The following PDE7B variants were observed in gnomAD, a reference collection of about 807,000 sequenced individuals.
The protein encoded by PDE7B is 3',5'-cyclic-AMP phosphodiesterase 7B.
In PDE7B, 29 loss-of-function variants were observed where a neutral mutation model predicts 56.2. That is an observed-to-expected ratio of 0.52 (90% CI 0.38 to 0.70). The LOEUF is 0.70. Among genes scored for constraint, PDE7B ranks in the 30% least tolerant of loss-of-function variants. PDE7B has a pLI of 0.00. For missense variants in PDE7B, 490 were observed against 565.0 expected (o/e 0.87, Z 1.35); for synonymous variants, 197 against 196.9 (o/e 1.00, Z 0.00).
chr6:135,890,651 G>A (rs1393231901), intron 1 of PDE7B, among the ~76,000 whole-genome samples: 1 of 152,160 alleles, frequency 6.6e-6, no homozygotes, highest in Non-Finnish European at 1.5e-5. Flanking sequence ...AGAAGGAGAA[G>A]AATGTGGCAA....
intron 2 of PDE7B, among the ~76,000 whole-genome samples, chr6:136,071,006 T>C (rs750347392): frequency 2.6e-5 from 4 of 152,146 alleles, no homozygotes; most frequent in African/African-American, 9.7e-5. Flanking sequence ...CTGAGATCCC[T>C]GTGGTCGGCC....
intron 1 of PDE7B, among the ~76,000 whole-genome samples, chr6:135,923,448 T>C (rs1774128550): frequency 6.6e-6 from 1 of 152,234 alleles, no homozygotes; most frequent in African/African-American, 2.4e-5. Context: ...AAGTGATTTG[T>C]ATTATATATG....
chr6:135,858,181 C>T (rs1464869262), intron 1 of PDE7B, among the ~76,000 whole-genome samples: 1 of 151,856 alleles, frequency 6.6e-6, no homozygotes, highest in East Asian at 1.9e-4. Flanking sequence ...GAGACAGAGT[C>T]CTGCTCTGTT....
rs184672124 is a variant in PDE7B, at chr6:136,106,114, G to A, written c.83-2617G>A. Among the ~76,000 whole-genome samples, 19 of 151,964 alleles carry A rather than the reference G, an allele frequency of 1.3e-4. No individual in the cohort carries two copies. In the East Asian group the frequency reaches 3.7e-3, roughly 29 times the overall value. On this transcript the variant is annotated intron_variant, in intron 2 of 12. Transcript: ENST00000308191. ...CCAAAAGGTGAGCGTGAAAGTGCTG[G>A]AAGGAGCCCATGAGATTACAGCAAC...
At chr6:136,082,268 C>T (rs985993533) in intron 2 of PDE7B, among the ~76,000 whole-genome samples, 9 of 152,198 alleles carry the variant, frequency 5.9e-5, no homozygotes, top group African/African-American at 2.2e-4. Flanking sequence ...TCAGTTGCCT[C>T]TCCCATTGGG....
chr6:136,147,975 A>T (rs1778444094), intron 4 of PDE7B, among the ~76,000 whole-genome samples: 2 of 152,206 alleles, frequency 1.3e-5, no homozygotes, highest in Non-Finnish European at 2.9e-5. Context: ...TCATTTGAAT[A>T]AATTTTAATA....
intron 2 of PDE7B, among the ~76,000 whole-genome samples, chr6:136,079,702 G>A (rs1303328675): frequency 7.6e-6 from 1 of 131,390 alleles, no homozygotes; most frequent in Non-Finnish European, 1.6e-5. Context: ...CAACTGAAGA[G>A]ACCAGCCATT....
At chr6:135,957,192 G>A (rs1774811996) in intron 2 of PDE7B, among the ~76,000 whole-genome samples, 1 of 152,136 alleles carries the variant, frequency 6.6e-6, no homozygotes, top group Admixed American at 6.6e-5. Context: ...CCATCTGATT[G>A]CTTCCCTTCT....
At position 136,187,119 on chromosome 6, in the gene PDE7B, G is replaced by A; in HGVS notation, c.1126+3G>A. 1 of 1,445,252 alleles carries A rather than the reference G, an allele frequency of 6.9e-7. No homozygotes were observed. Among genetic ancestry groups the A allele is most frequent in the Non-Finnish European group, 9.7e-7 (1 of 1,030,216 alleles). 89.5% of individuals were successfully genotyped at this position (1,445,252 alleles called of 1,614,324 possible). A position where few individuals can be genotyped will look rare whatever the true frequency, so the allele number is the denominator to read the frequency against. Reference sequence around the variant, plus strand: ...TTCCATCCCTAGTATACAAATTGGTGAGTTGAATTCAGTGTTAATTCCAAA... The same window carrying A: ...TTCCATCCCTAGTATACAAATTGGTAAGTTGAATTCAGTGTTAATTCCAAA... On this transcript the variant is annotated splice_donor_region_variant and intron_variant, in intron 12 of 12. Coordinates refer to ENST00000308191, the MANE Select transcript of PDE7B (RefSeq NM_018945.4).
At chr6:135,914,422 C>G (rs1776261288) in intron 1 of PDE7B, among the ~76,000 whole-genome samples, 1 of 151,142 alleles carries the variant, frequency 6.6e-6, no homozygotes, top group Non-Finnish European at 1.5e-5. Context: ...GATCTGCCTT[C>G]CCAAGTCATG....
chr6:135,971,847 T>C (rs974540721), intron 2 of PDE7B, among the ~76,000 whole-genome samples: 2 of 152,188 alleles, frequency 1.3e-5, no homozygotes, highest in Non-Finnish European at 1.5e-5. Flanking sequence ...TGAAACCTTA[T>C]GTAAATTTAG....
At chr6:135,896,038 G>A (rs901868422) in intron 1 of PDE7B, among the ~76,000 whole-genome samples, 4 of 152,100 alleles carry the variant, frequency 2.6e-5, no homozygotes, top group African/African-American at 9.7e-5. Flanking sequence ...TCTGCATTTG[G>A]TATATTTTGT....
intron 2 of PDE7B, among the ~76,000 whole-genome samples, chr6:136,083,464 A>G (rs1428639845): frequency 6.6e-6 from 1 of 152,114 alleles, no homozygotes; most frequent in African/African-American, 2.4e-5. Flanking sequence ...GGCATTTTCA[A>G]TTCTCTCAGA....
chr6:136,100,084 A>G (rs1329998484), intron 2 of PDE7B, among the ~76,000 whole-genome samples: 1 of 152,280 alleles, frequency 6.6e-6, no homozygotes, highest in East Asian at 1.9e-4. Context: ...AGATGGTTGT[A>G]GATGTGTGGT....
intron 2 of PDE7B, among the ~76,000 whole-genome samples, chr6:136,042,033 T>C (rs1776422928): frequency 6.6e-6 from 1 of 152,246 alleles, no homozygotes; most frequent in Non-Finnish European, 1.5e-5. Context: ...TGATGTGATA[T>C]AAACCTTGGT....
chr6:135,854,788 A>T (rs1774995672), intron 1 of PDE7B, among the ~76,000 whole-genome samples: 1 of 152,194 alleles, frequency 6.6e-6, no homozygotes, highest in African/African-American at 2.4e-5. Flanking sequence ...GCAGTCTTTA[A>T]TGTGGTTTAC....
At chr6:135,976,176 ATG>A (rs1387390270) in intron 2 of PDE7B, among the ~76,000 whole-genome samples, 1 of 152,178 alleles carries the variant, frequency 6.6e-6, no homozygotes, top group Non-Finnish European at 1.5e-5. Context: ...GCAGGGAACT[ATG>A]TAATCCCTTA....
chr6:135,932,015 G>A (rs1034428110), intron 1 of PDE7B, among the ~76,000 whole-genome samples: 8 of 151,214 alleles, frequency 5.3e-5, no homozygotes, highest in East Asian at 1.9e-4. Context: ...AAGCAGAGCC[G>A]AATATATTAA....
intron 1 of PDE7B, among the ~76,000 whole-genome samples, chr6:135,915,908 G>A (rs1471472380): frequency 6.6e-6 from 1 of 152,188 alleles, no homozygotes; most frequent in Admixed American, 6.5e-5. Flanking sequence ...TTGCTAAGGA[G>A]CTTCCCTTTG....
Sources: allele counts gnomAD v4.1 joint callset (sites outside exome capture counted in the v4.1 genomes callset), GRCh38; gene constraint gnomAD v4.1.1; transcripts MANE v1.5; gene names NCBI Gene and HGNC (gene_info 2026-07-23, HGNC 2026-07-21).